Variants in DPYD observed in about 807,000 individuals in gnomAD.
DPYD encodes the protein dihydropyrimidine dehydrogenase [NADP(+)].
Under a neutral mutation model 116.2 loss-of-function variants are expected in DPYD, and 109 were observed. The observed-to-expected ratio is 0.94, with a 90% CI of 0.80 to 1.10. DPYD has a LOEUF of 1.10. DPYD is among the 50% of genes least tolerant of loss of function. The pLI, the probability that DPYD is intolerant of heterozygous loss-of-function variation, is 0.00. For missense variants in DPYD, 1,302 were observed against 1,254.5 expected, an observed-to-expected ratio of 1.04 and a Z score of -0.57; for synonymous variants, 440 against 432.0, an observed-to-expected ratio of 1.02 and a Z score of -0.23.
chr1:97,455,401 G>A (rs997573997), intron 13 of DPYD, among the ~76,000 whole-genome samples: 6 of 151,842 alleles, frequency 4.0e-5, no homozygotes, highest in Admixed American at 6.6e-5. Context: ...TGTCAAAAAT[G>A]TTTTAATTAT....
chr1:97,326,302 T>C (rs1303353594), intron 16 of DPYD, among the ~76,000 whole-genome samples: 3 of 151,932 alleles, frequency 2.0e-5, no homozygotes, highest in Admixed American at 6.6e-5. Context: ...GAATTTCAGA[T>C]ACATTGAGTT....
Position 97,441,563 on chromosome 1 carries a change from A to G in DPYD, c.1905+8496T>C, listed in dbSNP as rs184257986. On this transcript the variant is annotated intron_variant, in intron 14 of 22. Coordinates refer to ENST00000370192, the MANE Select transcript of DPYD (RefSeq NM_000110.4). Reference sequence around the variant, plus strand: ...TCTGGAAGTTTTATTTAGCTCTTTTATCTATCTTCCATGTCTTAGCTTTTT... The same window carrying G: ...TCTGGAAGTTTTATTTAGCTCTTTTGTCTATCTTCCATGTCTTAGCTTTTT... Among the ~76,000 whole-genome samples the G allele has an allele frequency of 3.6e-4, 55 of 152,186 alleles. No individual in the cohort carries two copies. In the East Asian group the frequency reaches 9.8e-3, roughly 27 times the overall value.
chr1:97,682,322 T>C (rs1660466825), intron 7 of DPYD, among the ~76,000 whole-genome samples: 1 of 151,798 alleles, frequency 6.6e-6, no homozygotes, highest in Non-Finnish European at 1.5e-5. Context: ...GTGGGAAAGA[T>C]GGAGGATGGT....
At chr1:97,347,045 G>T (rs760803076) in intron 16 of DPYD, among the ~76,000 whole-genome samples, 11 of 151,608 alleles carry the variant, frequency 7.3e-5, no homozygotes, top group Non-Finnish European at 1.6e-4. Flanking sequence ...ATTATCAGAA[G>T]ATATGTGAAT....
intron 15 of DPYD, among the ~76,000 whole-genome samples, chr1:97,375,865 T>C (rs951366296): frequency 2.0e-5 from 3 of 152,232 alleles, no homozygotes; most frequent in African/African-American, 4.8e-5. Flanking sequence ...TTAACTGAAA[T>C]GCAGCAATTA....
intron 18 of DPYD, among the ~76,000 whole-genome samples, chr1:97,287,542 C>A (rs4445524): frequency 0.59 from 90,365 of 151,992 alleles, 27,088 homozygotes; most frequent in South Asian, 0.71. Context: ...GTGGAGCCTA[C>A]AGAGGCAGGC....
chr1:97,576,998 A>G lies in DPYD; in HGVS notation c.1129-3028T>C, dbSNP rs72732331. Among the ~76,000 whole-genome samples the G allele has an allele frequency of 4.6e-3, 699 of 152,342 alleles. 10 individuals carry two copies. The highest frequency in any genetic ancestry group is 0.016 in the African/African-American group (654 of 41,590). On this transcript the variant is annotated intron_variant, in intron 10 of 22. Transcript: ENST00000370192. ...AAAAATAGTAATATCATTTGCATATATATATTTGTTTGGAAAGTATTAATA... is the reference window on the plus strand; with the variant it reads ...AAAAATAGTAATATCATTTGCATATGTATATTTGTTTGGAAAGTATTAATA...
At chr1:97,656,427 C>T (rs959184807) in intron 8 of DPYD, among the ~76,000 whole-genome samples, 6 of 151,986 alleles carry the variant, frequency 3.9e-5, no homozygotes, top group African/African-American at 1.4e-4. Context: ...TATTTTTTGG[C>T]CTTGTCTTCA....
At chr1:97,801,194 C>T (rs1469626889) in intron 3 of DPYD, among the ~76,000 whole-genome samples, 2 of 133,410 alleles carry the variant, frequency 1.5e-5, no homozygotes, top group African/African-American at 5.6e-5. Flanking sequence ...TAGTTAATCT[C>T]GTTCCACCAT....
In DPYD at chr1:97,668,164, G is replaced by A. The variant is rs1659663780; in HGVS notation, c.850+10931C>T. ...ATGAAGGTGGTATATTTTATGCTATGTGTACTTACCACAATTTTTAAAAAA... is the reference window on the plus strand; with the variant it reads ...ATGAAGGTGGTATATTTTATGCTATATGTACTTACCACAATTTTTAAAAAA... On this transcript the variant is annotated intron_variant, in intron 8 of 22. Transcript: ENST00000370192. Among the ~76,000 whole-genome samples the A allele has an allele frequency of 1.3e-5, 2 of 152,090 alleles. 1 individual carries two copies. Among genetic ancestry groups the A allele is most frequent in the South Asian group, 4.1e-4 (2 of 4,824 alleles).
intron 14 of DPYD, among the ~76,000 whole-genome samples, chr1:97,425,951 T>TAA (rs143283268): frequency 1.4e-5 from 2 of 144,356 alleles, no homozygotes; most frequent in Admixed American, 6.9e-5. Flanking sequence ...AAGCAAACAT[T>TAA]AAAAAAAAAA....
chr1:97,900,510 G>A (rs1303376618), intron 1 of DPYD, among the ~76,000 whole-genome samples: 1 of 151,766 alleles, frequency 6.6e-6, no homozygotes, highest in Non-Finnish European at 1.5e-5. Context: ...AGATAAGTGG[G>A]AAATCACATC....
At chr1:97,124,557 A>C (rs1215201892) in intron 20 of DPYD, among the ~76,000 whole-genome samples, 1 of 152,122 alleles carries the variant, frequency 6.6e-6, no homozygotes, top group Non-Finnish European at 1.5e-5. Flanking sequence ...TATTTCTTTT[A>C]ACATGCTTTA....
intron 20 of DPYD, among the ~76,000 whole-genome samples, chr1:97,158,940 T>C (rs1252556746): frequency 6.6e-6 from 1 of 152,130 alleles, no homozygotes; most frequent in African/African-American, 2.4e-5. Context: ...GATAAGTTAA[T>C]TGTCTGCTAA....
intron 2 of DPYD, among the ~76,000 whole-genome samples, chr1:97,838,376 G>A (rs1161127824): frequency 6.6e-6 from 1 of 152,102 alleles, no homozygotes; most frequent in East Asian, 1.9e-4. Flanking sequence ...AAAGACAAGT[G>A]AAAAACAGAA....
chr1:97,488,266 C>T (rs926697694), intron 13 of DPYD, among the ~76,000 whole-genome samples: 1 of 151,716 alleles, frequency 6.6e-6, no homozygotes, highest in Non-Finnish European at 1.5e-5. Flanking sequence ...GGTTTCCAGG[C>T]GTTAGGAATG....
intron 18 of DPYD, among the ~76,000 whole-genome samples, chr1:97,270,188 A>G (rs1470111560): frequency 6.6e-6 from 1 of 152,226 alleles, no homozygotes; most frequent in African/African-American, 2.4e-5. Flanking sequence ...CAATAGAATC[A>G]CTAACAATTT....
At chr1:97,856,194 G>C (rs1055683559) in intron 2 of DPYD, 1 of 152,156 alleles carries the variant, frequency 6.6e-6, no homozygotes. Context: ...AAACTAACAG[G>C]AAAACGCACA....
In DPYD at chr1:97,583,814, T is replaced by A. The variant is rs182767403; in HGVS notation, c.1128+9404A>T. Reference sequence around the variant, plus strand: ...ATGTGTACTTATTCCAGTCTATCATTGTTGGACATTTGGGTTGGTTCCAAG... The same window carrying A: ...ATGTGTACTTATTCCAGTCTATCATAGTTGGACATTTGGGTTGGTTCCAAG... On this transcript the variant is annotated intron_variant, in intron 10 of 22. Coordinates refer to ENST00000370192, the MANE Select transcript of DPYD (RefSeq NM_000110.4). 4.1e-3 allele frequency among the ~76,000 whole-genome samples: 618 copies of A among 152,282 alleles called. 6 individuals are homozygous for A. The highest frequency in any genetic ancestry group is 0.026 in the South Asian group (124 of 4,828).
Sources: gnomAD v4.1 joint callset for allele counts (sites outside exome capture counted in the v4.1 genomes callset) on GRCh38, gnomAD v4.1.1 for gene constraint, MANE v1.5 for transcripts, NCBI Gene and HGNC (gene_info 2026-07-23, HGNC 2026-07-21) for gene names.